NBEA: variants seen among roughly 807,000 people sequenced by gnomAD.
The protein encoded by NBEA is neurobeachin, also known as lysosomal-trafficking regulator 2.
In NBEA, 44 loss-of-function variants were observed where a neutral mutation model predicts 343.4. That is an observed-to-expected ratio of 0.13 (90% confidence interval 0.10 to 0.16). The LOEUF is 0.16. Ranked by LOEUF, NBEA falls within the 10% of genes least tolerant of loss-of-function variation. NBEA has a pLI of 1.00. For missense variants in NBEA, 2,555 were observed against 3,631.3 expected (o/e 0.70, Z 7.62); for synonymous variants, 1,175 against 1,238.7 (o/e 0.95, Z 1.08).
chr13:35,344,067 G>A (rs971390993), intron 36 of NBEA, among the ~76,000 whole-genome samples: 2 of 152,018 alleles, frequency 1.3e-5, no homozygotes, highest in African/African-American at 4.8e-5. Flanking sequence ...TTAAGAATTA[G>A]TGTTATCAAT....
chr13:35,523,489 A>C (rs2077818296), intron 41 of NBEA, among the ~76,000 whole-genome samples: 1 of 152,182 alleles, frequency 6.6e-6, no homozygotes, highest in Non-Finnish European at 1.5e-5. Context: ...ATGGGTCTGC[A>C]ACTTATGAGC....
At chr13:35,540,552 G>A (rs2078772311) in intron 41 of NBEA, among the ~76,000 whole-genome samples, 2 of 152,272 alleles carry the variant, frequency 1.3e-5, no homozygotes, top group South Asian at 2.1e-4. Flanking sequence ...AAGCAACTGT[G>A]CCAGTATCAT....
At chr13:35,521,106 T>C (rs1194904333) in intron 41 of NBEA, among the ~76,000 whole-genome samples, 1 of 152,070 alleles carries the variant, frequency 6.6e-6, no homozygotes, top group Non-Finnish European at 1.5e-5. Context: ...ACTGAATTGA[T>C]CAAGTCTTCC....
chr13:35,527,513 C>T (rs1160775742), intron 41 of NBEA, among the ~76,000 whole-genome samples: 2 of 152,188 alleles, frequency 1.3e-5, no homozygotes, highest in Non-Finnish European at 2.9e-5. Flanking sequence ...CCCCAGCCTC[C>T]CTCCTGAGCT....
intron 49 of NBEA, among the ~76,000 whole-genome samples, chr13:35,632,172 A>G (rs913910059): frequency 2.0e-5 from 3 of 152,224 alleles, no homozygotes; most frequent in Admixed American, 6.5e-5. Flanking sequence ...CGGTTTTTAT[A>G]TATTAATAAA....
chr13:35,555,238 A>G, intron 44 of NBEA, 136 bp downstream of exon 44: 1 of 513,558 alleles, frequency 1.9e-6, no homozygotes, highest in Non-Finnish European at 3.4e-6. Flanking sequence ...CTCACATTAA[A>G]TTTTATCAGA....
intron 41 of NBEA, among the ~76,000 whole-genome samples, chr13:35,523,130 A>G (rs571236531): frequency 1.3e-5 from 2 of 152,288 alleles, no homozygotes; most frequent in African/African-American, 2.4e-5. Context: ...TACTATTATT[A>G]TAGTGACCAC....
intron 41 of NBEA, among the ~76,000 whole-genome samples, chr13:35,489,420 G>T (rs1356630298): frequency 6.6e-6 from 1 of 151,806 alleles, no homozygotes; most frequent in Non-Finnish European, 1.5e-5. Context: ...ATTCTGCTGG[G>T]CATATTTGGG....
At chr13:35,565,846 C>A (rs987918915) in intron 44 of NBEA, among the ~76,000 whole-genome samples, 1 of 152,000 alleles carries the variant, frequency 6.6e-6, no homozygotes, top group East Asian at 1.9e-4. Flanking sequence ...ACCCTAAGAT[C>A]GAGCAGTTCT....
intron 33 of NBEA, among the ~76,000 whole-genome samples, chr13:35,229,041 C>A (rs2074823445): frequency 6.6e-6 from 1 of 151,994 alleles, no homozygotes; most frequent in Non-Finnish European, 1.5e-5. Flanking sequence ...TTTTTGTTTT[C>A]TGTGGCAAAA....
intron 41 of NBEA, among the ~76,000 whole-genome samples, chr13:35,536,945 CA>C (rs931703200): frequency 9.9e-5 from 15 of 152,106 alleles, no homozygotes; most frequent in African/African-American, 3.1e-4. Flanking sequence ...TGGAACTGGC[CA>C]GGGGGTCAGT....
At chr13:35,167,655 T>A (rs2070142429) in intron 24 of NBEA, among the ~76,000 whole-genome samples, 1 of 151,872 alleles carries the variant, frequency 6.6e-6, no homozygotes, top group Non-Finnish European at 1.5e-5. Flanking sequence ...CCTCTTAGTA[T>A]GTAGTTTGGC....
chr13:35,496,809 C>G lies in NBEA; in HGVS notation c.6585+24273C>G, dbSNP rs937170632. Reference sequence around the variant, plus strand: ...TTGGTGTGCAGGCACCTCTACCGCTCCCAGGACTGGAGCTAGAACTTAGAT... The same window carrying G: ...TTGGTGTGCAGGCACCTCTACCGCTGCCAGGACTGGAGCTAGAACTTAGAT... On this transcript the variant is annotated intron_variant, in intron 41 of 58. Coordinates refer to ENST00000379939, the MANE Select transcript of NBEA (RefSeq NM_001385012.1). Among the ~76,000 whole-genome samples the G allele has an allele frequency of 1.6e-4, 25 of 152,042 alleles. No homozygotes were observed. The East Asian group carries it at 4.9e-3, about 30-fold the overall frequency.
chr13:35,270,818 C>G (rs977032331), intron 34 of NBEA, among the ~76,000 whole-genome samples: 1 of 152,132 alleles, frequency 6.6e-6, no homozygotes, highest in Non-Finnish European at 1.5e-5. Context: ...CAGGTATATG[C>G]TCACAGTGTA....
intron 44 of NBEA, among the ~76,000 whole-genome samples, chr13:35,558,602 G>A (rs879421009): frequency 3.9e-5 from 6 of 152,176 alleles, no homozygotes; most frequent in Non-Finnish European, 8.8e-5. Context: ...TTATCAAAGT[G>A]TAGTCCCCTG....
At chr13:35,458,089 TAGG>T (rs753874380) in intron 40 of NBEA, among the ~76,000 whole-genome samples, 1 of 152,198 alleles carries the variant, frequency 6.6e-6, no homozygotes, top group African/African-American at 2.4e-5. Context: ...GGTATATTCT[TAGG>T]AGGGGAATTG....
intron 47 of NBEA, among the ~76,000 whole-genome samples, chr13:35,602,878 G>C (rs142704039): frequency 1.0e-3 from 155 of 152,214 alleles, no homozygotes; most frequent in Admixed American, 3.2e-3. Flanking sequence ...CTTGTTCTTT[G>C]GTGGAGGCCA....
intron 1 of NBEA, among the ~76,000 whole-genome samples, chr13:35,020,499 G>A (rs1252647942): frequency 6.6e-6 from 1 of 152,104 alleles, no homozygotes; most frequent in African/African-American, 2.4e-5. Context: ...TAGTAAAGTT[G>A]TTTGATAGTG....
chr13:34,982,572 A>G (rs982801328), intron 1 of NBEA, among the ~76,000 whole-genome samples: 1 of 152,190 alleles, frequency 6.6e-6, no homozygotes, highest in African/African-American at 2.4e-5. Flanking sequence ...AAGTGCTGGG[A>G]GTACAGGTGT....
Sources: allele counts gnomAD v4.1 joint callset (sites outside exome capture counted in the v4.1 genomes callset), GRCh38; gene constraint gnomAD v4.1.1; transcripts MANE v1.5; gene names NCBI Gene and HGNC (gene_info 2026-07-23, HGNC 2026-07-21).